The following SCFD1 variants were observed in gnomAD, a reference collection of about 807,000 sequenced individuals.
The protein encoded by SCFD1 is sec1 family domain containing 1, also known as sec1 family domain-containing protein 1.
In SCFD1, 37 loss-of-function variants were observed where a neutral mutation model predicts 103.2. The ratio of observed to expected loss-of-function variants is 0.36; its 90% CI spans 0.28 to 0.47. The LOEUF (loss-of-function observed/expected upper bound fraction) is 0.47, where lower values mean the gene tolerates loss of function less well. Ranked by LOEUF, SCFD1 falls within the 20% of genes least tolerant of loss-of-function variation. The pLI is 1.00. For synonymous variants in SCFD1, 264 were observed against 245.0 expected, an observed-to-expected ratio of 1.08 and a Z score of -0.73; for missense variants, 639 against 761.2, an observed-to-expected ratio of 0.84 and a Z score of 1.89.
In SCFD1 at chr14:30,661,817, G is replaced by A. The variant is rs1440635620; in HGVS notation, c.855+8229G>A. 2.0e-5 allele frequency among the ~76,000 whole-genome samples: 3 copies of A among 152,056 alleles called. No individual in the cohort carries two copies. The East Asian group carries it at 5.8e-4, about 29-fold the overall frequency. On this transcript the variant is annotated intron_variant, in intron 10 of 24. Transcript: ENST00000458591. ...TTCTCTTGTGGAAATTAGTTTTAGG[G>A]ATGAGCTTTGAAAAATAAATTTTTC...
chr14:30,730,328 T>G (rs1053056996), intron 23 of SCFD1, among the ~76,000 whole-genome samples: 16 of 152,234 alleles, frequency 1.1e-4, no homozygotes, highest in African/African-American at 3.1e-4. Context: ...TACCTGTGCA[T>G]GTGTCTTTAT....
chr14:30,640,651 A>T (rs1885177996), intron 6 of SCFD1, among the ~76,000 whole-genome samples: 1 of 152,064 alleles, frequency 6.6e-6, no homozygotes, highest in African/African-American at 2.4e-5. Context: ...TAAACATTTT[A>T]AATTTTATTA....
At chr14:30,693,990 A>G (rs1438018822) in intron 14 of SCFD1, among the ~76,000 whole-genome samples, 2 of 152,214 alleles carry the variant, frequency 1.3e-5, no homozygotes, top group Non-Finnish European at 2.9e-5. Context: ...CTCACACAGC[A>G]AAGTTTTACT....
chr14:30,702,434 T>C, intron 17 of SCFD1, 59 bp downstream of exon 17: 1 of 1,052,580 alleles, frequency 9.5e-7, no homozygotes, highest in Non-Finnish European at 1.4e-6. Flanking sequence ...TGAGGCTTCA[T>C]TCCCAAGAAA....
At chr14:30,661,134 A>G (rs1235599742) in intron 10 of SCFD1, among the ~76,000 whole-genome samples, 2 of 152,174 alleles carry the variant, frequency 1.3e-5, no homozygotes, top group Non-Finnish European at 2.9e-5. Flanking sequence ...TTTAATAACA[A>G]GTAGCATTGT....
intron 14 of SCFD1, among the ~76,000 whole-genome samples, chr14:30,691,002 A>G (rs952627842): frequency 7.2e-5 from 11 of 152,220 alleles, no homozygotes; most frequent in Non-Finnish European, 1.3e-4. Flanking sequence ...AATCTTTGGA[A>G]TTACAGAAGT....
At chr14:30,712,336 C>T (rs1346510312) in intron 19 of SCFD1, among the ~76,000 whole-genome samples, 3 of 152,052 alleles carry the variant, frequency 2.0e-5, no homozygotes, top group African/African-American at 7.2e-5. Flanking sequence ...CTGCCAGCTT[C>T]GACATCAGAG....
intron 14 of SCFD1, among the ~76,000 whole-genome samples, chr14:30,678,377 C>T (rs988602734): frequency 6.6e-6 from 1 of 152,142 alleles, no homozygotes; most frequent in Non-Finnish European, 1.5e-5. Context: ...CTTTAAGAAA[C>T]ATTTTCACTT....
chr14:30,630,480 C>A lies in SCFD1; in HGVS notation c.136C>A (p.Leu46Ile). 6.4e-7 allele frequency: 1 copy of A among 1,566,688 alleles called. No individual in the cohort carries two copies. The highest frequency in any genetic ancestry group is 8.8e-7 in the Non-Finnish European group (1 of 1,138,318). The part of the protein sequence containing the change: ...NSTGEPVWKV[L>I]IYDRFGQDII... Reference sequence around the variant, plus strand: ...GACACATGGTTTTTTTTAATAGGTACTCATTTATGACAGATTTGGCCAAGA... The same window carrying A: ...GACACATGGTTTTTTTTAATAGGTAATCATTTATGACAGATTTGGCCAAGA... Residue 46 changes from leucine (L) to isoleucine (I), a missense_variant, in exon 3 of 25, where the codon CTC becomes ATC. Physicochemically the swap from Leu to Ile is conservative, Grantham distance 5 (BLOSUM62 2). Transcript: ENST00000458591.
chr14:30,623,931 C>G (rs558039802), intron 1 of SCFD1, among the ~76,000 whole-genome samples: 1 of 151,994 alleles, frequency 6.6e-6, no homozygotes, highest in South Asian at 2.1e-4. Flanking sequence ...CTTAAATATT[C>G]TAGATACTAG....
At chr14:30,677,920 A>G (rs1439161045) in intron 14 of SCFD1, among the ~76,000 whole-genome samples, 3 of 137,480 alleles carry the variant, frequency 2.2e-5, no homozygotes, top group Admixed American at 1.6e-4. Context: ...GCTCACTGCA[A>G]CCTCCACCTC....
intron 14 of SCFD1, among the ~76,000 whole-genome samples, chr14:30,677,126 T>C (rs1889094160): frequency 6.6e-6 from 1 of 152,218 alleles, no homozygotes; most frequent in South Asian, 2.1e-4. Flanking sequence ...TCATTCAAGA[T>C]ATTGAGTGAT....
At chr14:30,692,102 A>G (rs1365828696) in intron 14 of SCFD1, among the ~76,000 whole-genome samples, 1 of 152,062 alleles carries the variant, frequency 6.6e-6, no homozygotes, top group Non-Finnish European at 1.5e-5. Flanking sequence ...AGTTTTACAT[A>G]TGCAGTCACA....
At chr14:30,682,482 G>A (rs1018664494) in intron 14 of SCFD1, among the ~76,000 whole-genome samples, 4 of 152,022 alleles carry the variant, frequency 2.6e-5, no homozygotes, top group Admixed American at 2.6e-4. Context: ...CAAACCCACC[G>A]GTATGAATTG....
At chr14:30,634,454 A>ATT (rs1378340653) in intron 4 of SCFD1, among the ~76,000 whole-genome samples, 1 of 152,198 alleles carries the variant, frequency 6.6e-6, no homozygotes, top group African/African-American at 2.4e-5. Context: ...TAAATTATAA[A>ATT]TTAAGTTTTA....
chr14:30,639,695 T>G (rs1419455954), intron 5 of SCFD1, 82 bp from the exon 6 acceptor site: 1 of 1,352,528 alleles, frequency 7.4e-7, no homozygotes, highest in Non-Finnish European at 9.7e-7. Flanking sequence ...TTTCTACCAT[T>G]GGTAGGTTAG....
intron 7 of SCFD1, among the ~76,000 whole-genome samples, chr14:30,643,649 A>G (rs1168381249): frequency 6.6e-6 from 1 of 152,170 alleles, no homozygotes; most frequent in African/African-American, 2.4e-5. Flanking sequence ...ATAATTTTCT[A>G]CCATATTATT....
chr14:30,707,939 TGG>T, intron 18 of SCFD1, 49 bp from the exon 19 acceptor site: 1 of 1,196,048 alleles, frequency 8.4e-7, no homozygotes, highest in Non-Finnish European at 1.3e-6. Flanking sequence ...GATAACAGAT[TGG>T]AGAGGCACTT....
chr14:30,724,874 G>A (rs1366200259), intron 23 of SCFD1, among the ~76,000 whole-genome samples: 1 of 152,178 alleles, frequency 6.6e-6, no homozygotes, highest in Non-Finnish European at 1.5e-5. Flanking sequence ...GTGGTGTAAG[G>A]AAGAGGTCCG....
Sources: gnomAD v4.1 joint callset for allele counts (sites outside exome capture counted in the v4.1 genomes callset) on GRCh38, gnomAD v4.1.1 for gene constraint, MANE v1.5 for transcripts, NCBI Gene and HGNC (gene_info 2026-07-23, HGNC 2026-07-21) for gene names.